MINDY1: variants seen among roughly 807,000 people sequenced by gnomAD.
MINDY1 encodes ubiquitin carboxyl-terminal hydrolase MINDY-1.
In MINDY1, 50 loss-of-function variants were observed where a neutral mutation model predicts 53.6. The ratio of observed to expected loss-of-function variants is 0.93; its 90% CI spans 0.74 to 1.18. The LOEUF is 1.18. MINDY1 is among the 50% of genes most tolerant of loss of function. The probability of loss-of-function intolerance (pLI) is 0.00; values close to 1 mark genes in which losing one functional copy is unlikely to be tolerated. For missense variants in MINDY1, 484 were observed against 578.6 expected (o/e 0.84, Z 1.68); for synonymous variants, 231 against 234.7 (o/e 0.98, Z 0.14).
chr1:150,999,312 GAAAAA>G lies in MINDY1; in HGVS notation c.981+52_981+56del, dbSNP rs1672252364. On this transcript the variant is annotated intron_variant, in intron 7 of 9. Coordinates refer to ENST00000683666, the MANE Select transcript of MINDY1 (RefSeq NM_001376665.1). The surrounding 1 kb of genome is among the most constrained non-coding windows in gnomAD (Gnocchi z 4.4). ...TAGCTGATCCCAGCTGGACCCACGAGAAAAAGGCACCAGGAAATGACAGCACCGCA... is the reference window on the plus strand; with the variant it reads ...TAGCTGATCCCAGCTGGACCCACGAGGGCACCAGGAAATGACAGCACCGCA... 1.9e-6 allele frequency: 3 copies of G among 1,605,498 alleles called. No homozygotes were observed. The highest frequency in any genetic ancestry group is 2.6e-6 in the Non-Finnish European group (3 of 1,174,218).
chr1:151,000,409 A>G, intron 5 of MINDY1, 48 bp downstream of exon 5: 1 of 1,530,824 alleles, frequency 6.5e-7, no homozygotes, highest in Non-Finnish European at 8.8e-7. Flanking sequence ...TGCCTCTCTC[A>G]TGTCAGCTTG....
chr1:151,004,171 C>T (rs943874175), intron 1 of MINDY1, among the ~76,000 whole-genome samples: 4 of 152,114 alleles, frequency 2.6e-5, no homozygotes, highest in African/African-American at 7.2e-5. Context: ...GATCCTCCCA[C>T]CTTGGCCTCC....
chr1:150,997,965 A>G, intron 8 of MINDY1, 117 bp downstream of exon 8: 1 of 1,243,716 alleles, frequency 8.0e-7, no homozygotes, highest in Non-Finnish European at 1.1e-6. Flanking sequence ...AGACGGTCTG[A>G]GGTAACCCAG....
At chr1:151,001,081 G>A (rs1022410578) in intron 4 of MINDY1, among the ~76,000 whole-genome samples, 169 bp downstream of exon 4, 4 of 152,178 alleles carry the variant, frequency 2.6e-5, no homozygotes, top group Non-Finnish European at 4.4e-5. Flanking sequence ...GTGAGCACCC[G>A]GCCAATGAAC....
chr1:151,001,716 G>A lies in MINDY1; in HGVS notation c.511+9C>T. 3 of 1,610,306 alleles carry A rather than the reference G, an allele frequency of 1.9e-6. No individual in the cohort carries two copies. The South Asian group carries it at 3.3e-5, about 18-fold the overall frequency. On this transcript the variant is annotated intron_variant, in intron 3 of 9. Coordinates refer to ENST00000683666, the MANE Select transcript of MINDY1 (RefSeq NM_001376665.1). Reference sequence around the variant, plus strand: ...TTGGGTAATTCCTCTTCAACGCCCAGTCACTCACCAAGATGGGCCATGAGC... The same window carrying A: ...TTGGGTAATTCCTCTTCAACGCCCAATCACTCACCAAGATGGGCCATGAGC...
Position 150,997,337 on chromosome 1 carries a change from C to T in MINDY1, c.1360G>A (p.Gly454Arg), listed in dbSNP as rs587724501. 29 of 1,602,160 alleles carry T rather than the reference C, an allele frequency of 1.8e-5. No individual in the cohort carries two copies. Among genetic ancestry groups the T allele is most frequent in the South Asian group, 1.6e-4 (14 of 89,076 alleles). ...TGCTTCGGCCTCTGCCGACGCTCCCCGGCTGGGCGTCCAGATGTGGCTCCT... is the reference window on the plus strand; with the variant it reads ...TGCTTCGGCCTCTGCCGACGCTCCCTGGCTGGGCGTCCAGATGTGGCTCCT... ...GRGATSGRPA[G>R]ERRQRPKHES... The change falls in exon 10 of 10, where the codon GGG (glycine) becomes AGG (arginine). Residue 454 changes from glycine to arginine, a missense_variant. Coordinates refer to ENST00000683666, the MANE Select transcript of MINDY1 (RefSeq NM_001376665.1).
At position 151,000,460 on chromosome 1, in the gene MINDY1, T is replaced by A; in HGVS notation, c.732A>T (p.Pro244=). ...IPLYHGWLVD[P]QSPEAVRAVG... ...CAGTGGGCCCTCCCACCCTCACCTGTGGATCAACAAGCCAGCCATGGTACA... is the reference window on the plus strand; with the variant it reads ...CAGTGGGCCCTCCCACCCTCACCTGAGGATCAACAAGCCAGCCATGGTACA... Residue 244 remains proline (P), a synonymous_variant, in exon 5 of 10, where the codon CCA becomes CCT. Coordinates refer to ENST00000683666, the MANE Select transcript of MINDY1 (RefSeq NM_001376665.1). 1 of 1,602,424 alleles carries A rather than the reference T, an allele frequency of 6.2e-7. No individual in the cohort carries two copies. Among genetic ancestry groups the A allele is most frequent in the East Asian group, 2.2e-5 (1 of 44,700 alleles).
At chr1:151,003,367 A>G (rs1263085613) in intron 1 of MINDY1, among the ~76,000 whole-genome samples, 1 of 152,076 alleles carries the variant, frequency 6.6e-6, no homozygotes, top group African/African-American at 2.4e-5. Flanking sequence ...TTCCACCTCA[A>G]AGGGCTCTAC....
chr1:151,007,555 C>T (rs1209950493), upstream of MINDY1, among the ~76,000 whole-genome samples: 1 of 152,156 alleles, frequency 6.6e-6, no homozygotes, highest in Non-Finnish European at 1.5e-5. Context: ...AGATCCAACA[C>T]GCCTGTGCTC....
intron 7 of MINDY1, among the ~76,000 whole-genome samples, chr1:150,998,701 A>G (rs776169230): frequency 6.6e-6 from 1 of 152,180 alleles, no homozygotes; most frequent in Non-Finnish European, 1.5e-5. Flanking sequence ...CTTGGGGGGA[A>G]GAAAGGGATG....
At chr1:151,005,656 C>T (rs1177292908) in intron 1 of MINDY1, among the ~76,000 whole-genome samples, 1 of 152,074 alleles carries the variant, frequency 6.6e-6, no homozygotes, top group Non-Finnish European at 1.5e-5. Flanking sequence ...TGGGCTAAGT[C>T]TTAAGAGGCA....
chr1:150,996,742 C>T (rs1671874912), downstream of MINDY1: 1 of 152,154 alleles, frequency 6.6e-6, no homozygotes, highest in Non-Finnish European at 1.5e-5. Flanking sequence ...CGGGGTTTCA[C>T]CTTTTTGGGC....
rs1672674671 is a variant in MINDY1, at chr1:151,002,308, G to A, written c.310C>T (p.Pro104Ser). 6.2e-7 allele frequency: 1 copy of A among 1,614,072 alleles called. No individual in the cohort carries two copies. Among genetic ancestry groups the A allele is most frequent in the Admixed American group, 1.7e-5 (1 of 59,998 alleles). ...TCTGGCTCAGGCTGTCGGGTCCTGGGGGACTGAGGAAGCTCCTGGGGCATG... is the reference window on the plus strand; with the variant it reads ...TCTGGCTCAGGCTGTCGGGTCCTGGAGGACTGAGGAAGCTCCTGGGGCATG... ...CSMPQELPQS[P>S]RTRQPEPDFY... The change falls in exon 2 of 10, where the codon CCC becomes TCC. Residue 104 changes from proline (P) to serine (S), a missense_variant. Physicochemically the swap from Pro to Ser is moderately conservative, Grantham distance 74. Transcript: ENST00000683666. This position sits in a 1 kb window ranked among gnomAD's most constrained non-coding sequence, Gnocchi z 4.1.
chr1:151,005,404 A>G (rs865926515), intron 1 of MINDY1, among the ~76,000 whole-genome samples: 1 of 148,898 alleles, frequency 6.7e-6, no homozygotes, highest in Non-Finnish European at 1.5e-5. Flanking sequence ...GTAAGCCAAG[A>G]TTGTGCCTCT....
In MINDY1 at chr1:151,004,555, C is replaced by T. The variant is rs142398728; in HGVS notation, c.-90+1757G>A. On this transcript the variant is annotated intron_variant, in intron 1 of 9. Coordinates refer to ENST00000683666, the MANE Select transcript of MINDY1 (RefSeq NM_001376665.1). ...GACCATCCTGGCTAACATGGCAAAA[C>T]GCTGTCTGTATTGAAAGTACAAAAA... 2.2e-3 allele frequency among the ~76,000 whole-genome samples: 331 copies of T among 151,916 alleles called. 1 individual carries two copies. The highest frequency in any genetic ancestry group is 7.6e-3 in the African/African-American group (315 of 41,420).
chr1:150,997,088 T>C lies in MINDY1; in HGVS notation c.*199A>G. 4.9e-6 allele frequency: 3 copies of C among 616,740 alleles called. No homozygotes were observed. Among genetic ancestry groups the C allele is most frequent in the Middle Eastern group, 4.4e-4 (1 of 2,264 alleles). The allele number at this position is 616,740 out of a possible 1,614,324, so 38.2% of individuals were successfully genotyped here. On this transcript the variant is annotated 3_prime_UTR_variant, in exon 10 of 10. Coordinates refer to ENST00000683666, the MANE Select transcript of MINDY1 (RefSeq NM_001376665.1). ...AAACCCACCAATCCTAGTGTTGCCC[T>C]GGATGGGAGGCAGAGAAGGCAGCAG...
In MINDY1 at chr1:150,999,041, G is replaced by A. The variant is rs1369436909; in HGVS notation, c.981+328C>T. Among the ~76,000 whole-genome samples, 1 of 152,136 alleles carries A rather than the reference G, an allele frequency of 6.6e-6. No individual in the cohort carries two copies. Among genetic ancestry groups the A allele is most frequent in the East Asian group, 1.9e-4 (1 of 5,186 alleles). ...ATGGCTTGCTCTGGCCAGAAGATGTGAGCAGAAATGACATGTGTCATTTCC... is the reference window on the plus strand; with the variant it reads ...ATGGCTTGCTCTGGCCAGAAGATGTAAGCAGAAATGACATGTGTCATTTCC... On this transcript the variant is annotated intron_variant, in intron 7 of 9. Transcript: ENST00000683666. This position sits in a 1 kb window ranked among gnomAD's most constrained non-coding sequence, Gnocchi z 4.4.
At chr1:151,007,295 A>G (rs919977463), upstream of MINDY1, among the ~76,000 whole-genome samples, 6 of 152,194 alleles carry the variant, frequency 3.9e-5, no homozygotes, top group African/African-American at 1.4e-4. Flanking sequence ...CACAAGGTCA[A>G]GAGATCAAGA....
At position 151,001,690 on chromosome 1, in the gene MINDY1, C is replaced by T. The variant is rs767122250; in HGVS notation, c.511+35G>A. Reference sequence around the variant, plus strand: ...GGCTGAGTGGATAGCTCTGGAGCCCCTTGGGTAATTCCTCTTCAACGCCCA... The same window carrying T: ...GGCTGAGTGGATAGCTCTGGAGCCCTTTGGGTAATTCCTCTTCAACGCCCA... On this transcript the variant is annotated intron_variant, in intron 3 of 9. Transcript: ENST00000683666. 3 of 1,608,924 alleles carry T rather than the reference C, an allele frequency of 1.9e-6. No homozygotes were observed. In the South Asian group the frequency reaches 3.3e-5, roughly 18 times the overall value.
Sources: gnomAD v4.1 joint callset for allele counts (sites outside exome capture counted in the v4.1 genomes callset) on GRCh38, gnomAD v4.1.1 for gene constraint, Gnocchi (gnomAD v3.1) non-coding constraint, MANE v1.5 for transcripts, NCBI Gene and HGNC (gene_info 2026-07-23, HGNC 2026-07-21) for gene names.